PSD3: variants seen among roughly 807,000 people sequenced by gnomAD.
PSD3 encodes PH and SEC7 domain-containing protein 3.
A neutral mutation model predicts 105.5 loss-of-function variants in PSD3; 49 were observed. The ratio of observed to expected loss-of-function variants is 0.46; its 90% CI spans 0.37 to 0.59. The LOEUF is 0.59. Among genes scored for constraint, PSD3 ranks in the 20% least tolerant of loss-of-function variants. The probability of loss-of-function intolerance (pLI) is 0.00; values close to 1 mark genes in which losing one functional copy is unlikely to be tolerated. For synonymous variants in PSD3, 557 were observed against 457.8 expected (o/e 1.22, Z -2.77); for missense variants, 1,561 against 1,263.8 (o/e 1.24, Z -3.57).
chr8:19,022,546 C>G (rs1827396829), intron 1 of PSD3, among the ~76,000 whole-genome samples: 1 of 152,182 alleles, frequency 6.6e-6, no homozygotes, highest in African/African-American at 2.4e-5. Context: ...TAGTCCCTAT[C>G]CCAAAGCGGT....
At chr8:18,821,047 C>A (rs1040884) in intron 4 of PSD3, among the ~76,000 whole-genome samples, 53,604 of 152,084 alleles carry the variant, frequency 0.35, 9,970 homozygotes, top group East Asian at 0.72. Context: ...AGTCACTGCA[C>A]CCAGCCTAAC....
chr8:18,730,322 CCTT>C (rs1445742189), intron 9 of PSD3: 2 of 152,224 alleles, frequency 1.3e-5, no homozygotes, highest in Non-Finnish European at 2.9e-5. Flanking sequence ...TAAAATGTCT[CCTT>C]CTCCAGCTGA....
At chr8:18,986,104 G>A (rs1039633250) in intron 1 of PSD3, among the ~76,000 whole-genome samples, 1 of 152,078 alleles carries the variant, frequency 6.6e-6, no homozygotes, top group Non-Finnish European at 1.5e-5. Flanking sequence ...GATTAATTGT[G>A]CAAGGTCAAA....
At chr8:19,082,201 T>C (rs1335881770) in intron 1 of PSD3, among the ~76,000 whole-genome samples, 1 of 152,132 alleles carries the variant, frequency 6.6e-6, no homozygotes, top group African/African-American at 2.4e-5. Flanking sequence ...CCCTGGTTAG[T>C]GATAGCCGTA....
chr8:18,555,063 C>A (rs1164478046), intron 15 of PSD3, among the ~76,000 whole-genome samples: 1 of 151,914 alleles, frequency 6.6e-6, no homozygotes, highest in African/African-American at 2.4e-5. Flanking sequence ...CAGGAGGTAA[C>A]TGGGGGAGGG....
intron 1 of PSD3, among the ~76,000 whole-genome samples, chr8:19,030,814 T>G (rs1358899877): frequency 6.6e-6 from 1 of 152,218 alleles, no homozygotes; most frequent in Non-Finnish European, 1.5e-5. Context: ...TTCAATATGG[T>G]CTTTGTCACA....
Position 18,876,678 on chromosome 8 carries a change from A to G in PSD3, c.131-3945T>C, listed in dbSNP as rs971269099. Among the ~76,000 whole-genome samples the G allele has an allele frequency of 2.0e-5, 3 of 152,164 alleles. No homozygotes were observed. In the South Asian group the frequency reaches 6.2e-4, roughly 32 times the overall value. On this transcript the variant is annotated intron_variant, in intron 2 of 15. Coordinates refer to ENST00000327040, the MANE Select transcript of PSD3 (RefSeq NM_015310.4). ...GCCTCCTAAAGCGCTGGCATTACAG[A>G]CATGAACCACCGCATCTGGCCTAAA...
chr8:19,035,763 G>C (rs1246107010), intron 1 of PSD3, among the ~76,000 whole-genome samples: 3 of 151,604 alleles, frequency 2.0e-5, no homozygotes, highest in Non-Finnish European at 4.4e-5. Flanking sequence ...TTTTTGGGGG[G>C]GGTGTGGGGG....
chr8:18,594,267 ATTATATATATTATATAATATATAT>A (rs1803885598), intron 12 of PSD3, among the ~76,000 whole-genome samples: 2 of 36,004 alleles, frequency 5.6e-5, no homozygotes, highest in Admixed American at 1.3e-3. Flanking sequence ...AATATATATT[ATTATATATATTATATAATATATAT>A]TATATATAAT....
At chr8:18,835,349 C>T (rs1283238429) in intron 4 of PSD3, among the ~76,000 whole-genome samples, 1 of 152,146 alleles carries the variant, frequency 6.6e-6, no homozygotes, top group African/African-American at 2.4e-5. Context: ...TTGACTTTTA[C>T]AGATCCTTAT....
Position 18,807,870 on chromosome 8 carries a change from C to G in PSD3, c.1635-2972G>C, listed in dbSNP as rs1335346346. On this transcript the variant is annotated intron_variant, in intron 4 of 15. Coordinates refer to ENST00000327040, the MANE Select transcript of PSD3 (RefSeq NM_015310.4). ...CCTGTAATCCCTGCACACTGGGAAG[C>G]CAAGGGGAGGACTGCTTTAGCCCAG... Among the ~76,000 whole-genome samples, 4 of 152,148 alleles carry G rather than the reference C, an allele frequency of 2.6e-5. No homozygotes were observed. The East Asian group carries it at 7.7e-4, about 29-fold the overall frequency.
intron 1 of PSD3, among the ~76,000 whole-genome samples, chr8:18,946,376 G>T (rs1411670430): frequency 6.6e-6 from 1 of 151,980 alleles, no homozygotes; most frequent in Non-Finnish European, 1.5e-5. Context: ...AGGAGTTGGA[G>T]ACTAGCCTGT....
intron 9 of PSD3, among the ~76,000 whole-genome samples, chr8:18,735,286 A>G (rs1249943367): frequency 2.0e-5 from 3 of 152,176 alleles, no homozygotes; most frequent in Admixed American, 2.0e-4. Flanking sequence ...GCCCAAAAAC[A>G]AGAGATGAAA....
At chr8:19,022,590 GA>G (rs1362554184) in intron 1 of PSD3, among the ~76,000 whole-genome samples, 1 of 152,206 alleles carries the variant, frequency 6.6e-6, no homozygotes, top group Admixed American at 6.5e-5. Flanking sequence ...TTCGTGGGAA[GA>G]AGCAACCTCC....
At chr8:18,603,977 A>T (rs983818149) in intron 11 of PSD3, among the ~76,000 whole-genome samples, 2 of 152,206 alleles carry the variant, frequency 1.3e-5, no homozygotes, top group African/African-American at 4.8e-5. Flanking sequence ...ACCCAGTCTC[A>T]GGTTTTCTTT....
chr8:18,616,640 T>TTTTTTTTC (rs1805699359), intron 11 of PSD3, among the ~76,000 whole-genome samples: 2 of 142,592 alleles, frequency 1.4e-5, no homozygotes, highest in Admixed American at 7.0e-5. Flanking sequence ...TTTTTTTTTT[T>TTTTTTTTC]TGAGACGGAG....
At chr8:18,904,178 CAA>C (rs1009013641) in intron 2 of PSD3, among the ~76,000 whole-genome samples, 4 of 152,010 alleles carry the variant, frequency 2.6e-5, no homozygotes, top group African/African-American at 9.7e-5. Context: ...AGAGAGGGAA[CAA>C]GAGAGAGAGA....
intron 1 of PSD3, among the ~76,000 whole-genome samples, chr8:19,019,011 A>G (rs561813367): frequency 6.6e-6 from 1 of 152,278 alleles, no homozygotes; most frequent in East Asian, 1.9e-4. Context: ...TGGACAGGAT[A>G]GTCTTGATCT....
intron 9 of PSD3, among the ~76,000 whole-genome samples, chr8:18,687,223 G>A (rs371788220): frequency 2.6e-4 from 39 of 152,232 alleles, no homozygotes; most frequent in African/African-American, 8.9e-4. Context: ...CAGCACTTTG[G>A]GAGGCCAAGG....
Sources: gnomAD v4.1 joint callset for allele counts (sites outside exome capture counted in the v4.1 genomes callset) on GRCh38, gnomAD v4.1.1 for gene constraint, MANE v1.5 for transcripts, NCBI Gene and HGNC (gene_info 2026-07-23, HGNC 2026-07-21) for gene names.